Variants in RSU1 observed in about 807,000 individuals in gnomAD.
The protein encoded by RSU1 is Ras suppressor protein 1, also known as rsu-1.
RSU1 carries 26 observed loss-of-function variants against 31.1 expected under a neutral mutation model. The ratio of observed to expected loss-of-function variants is 0.84; its 90% CI spans 0.61 to 1.16. The LOEUF (loss-of-function observed/expected upper bound fraction) is 1.16, where lower values mean the gene tolerates loss of function less well. RSU1 is among the 50% of genes most tolerant of loss of function. The pLI is 0.00. For missense variants in RSU1, 320 were observed against 339.1 expected, an observed-to-expected ratio of 0.94 and a Z score of 0.44; for synonymous variants, 164 against 136.3, an observed-to-expected ratio of 1.20 and a Z score of -1.41.
At chr10:16,625,726 C>A (rs73601042) in intron 8 of RSU1, among the ~76,000 whole-genome samples, 5,135 of 152,212 alleles carry the variant, frequency 0.034, 297 homozygotes, top group African/African-American at 0.12. Flanking sequence ...GAAATCAAGA[C>A]GAGGTGGGTG....
At chr10:16,704,993 A>G (rs1159313393) in intron 7 of RSU1, among the ~76,000 whole-genome samples, 1 of 151,966 alleles carries the variant, frequency 6.6e-6, no homozygotes, top group Non-Finnish European at 1.5e-5. Context: ...ATCTTGTAAA[A>G]CCTTAATTCT....
intron 4 of RSU1, among the ~76,000 whole-genome samples, chr10:16,759,389 C>T (rs1452310040): frequency 2.0e-5 from 3 of 151,742 alleles, no homozygotes; most frequent in African/African-American, 7.3e-5. Flanking sequence ...TACCTGTGGT[C>T]CCAGCTACTC....
At chr10:16,685,798 G>C (rs1479327861) in intron 8 of RSU1, among the ~76,000 whole-genome samples, 1 of 152,132 alleles carries the variant, frequency 6.6e-6, no homozygotes, top group African/African-American at 2.4e-5. Flanking sequence ...ATTTTACTCA[G>C]TTACCATTGA....
At chr10:16,745,125 G>A (rs1182941934) in intron 7 of RSU1, among the ~76,000 whole-genome samples, 2 of 152,186 alleles carry the variant, frequency 1.3e-5, no homozygotes, top group African/African-American at 4.8e-5. Flanking sequence ...TTTCAGAAGA[G>A]CCCAGGTTTC....
intron 7 of RSU1, among the ~76,000 whole-genome samples, chr10:16,729,939 T>C (rs1836474360): frequency 6.6e-6 from 1 of 152,156 alleles, no homozygotes; most frequent in Non-Finnish European, 1.5e-5. Context: ...GTTGCTATAA[T>C]GGAATACTTG....
At chr10:16,691,585 C>T (rs59291927) in intron 8 of RSU1, among the ~76,000 whole-genome samples, 1,629 of 152,022 alleles carry the variant, frequency 0.011, 45 homozygotes, top group East Asian at 0.1. Context: ...CAGGCCCCTG[C>T]CCTAGCATAG....
intron 8 of RSU1, among the ~76,000 whole-genome samples, chr10:16,654,624 G>A (rs1207288650): frequency 1.3e-5 from 2 of 149,772 alleles, no homozygotes; most frequent in Non-Finnish European, 3.0e-5. Context: ...GAGGCAGACT[G>A]CACCACTGTA....
intron 8 of RSU1, among the ~76,000 whole-genome samples, chr10:16,646,784 G>A (rs1432827918): frequency 6.6e-6 from 1 of 152,178 alleles, no homozygotes; most frequent in African/African-American, 2.4e-5. Context: ...TGGATAAGAT[G>A]TCCAGCATCA....
chr10:16,796,278 G>A (rs76728959), intron 2 of RSU1, among the ~76,000 whole-genome samples: 1,956 of 152,184 alleles, frequency 0.013, 54 homozygotes, highest in African/African-American at 0.044. Flanking sequence ...CCTATAACCA[G>A]TCACCTAGAT....
intron 8 of RSU1, among the ~76,000 whole-genome samples, chr10:16,672,263 T>C (rs1485452043): frequency 6.6e-6 from 1 of 151,456 alleles, no homozygotes; most frequent in Non-Finnish European, 1.5e-5. Flanking sequence ...TGAGCTGAGA[T>C]CACGCCACTG....
At chr10:16,656,307 A>T (rs1358510151) in intron 8 of RSU1, among the ~76,000 whole-genome samples, 2 of 152,180 alleles carry the variant, frequency 1.3e-5, no homozygotes, top group Non-Finnish European at 2.9e-5. Flanking sequence ...GAAAATTCTC[A>T]AAGTCATTAA....
chr10:16,768,352 C>T (rs1299491712), intron 3 of RSU1, among the ~76,000 whole-genome samples: 1 of 152,174 alleles, frequency 6.6e-6, no homozygotes, highest in East Asian at 1.9e-4. Flanking sequence ...TTAAATAATT[C>T]AACAAATGGG....
chr10:16,757,174 C>A lies in RSU1; in HGVS notation c.282-2185G>T, dbSNP rs3780984. Among the ~76,000 whole-genome samples the A allele has an allele frequency of 3.9e-3, 594 of 151,868 alleles. 8 individuals are homozygous for A. In the East Asian group the frequency reaches 0.063, roughly 16 times the overall value. The stretch of plus-strand genomic sequence containing the variant: ...CTAAGGGAATTTTTTTCTACACTAT[C>A]TTTTATCCTTTCTTCAAGCCCCTTA... On this transcript the variant is annotated intron_variant, in intron 4 of 8. Transcript: ENST00000345264.
At chr10:16,782,687 C>T (rs1028813050) in intron 2 of RSU1, among the ~76,000 whole-genome samples, 3 of 152,132 alleles carry the variant, frequency 2.0e-5, no homozygotes, top group Non-Finnish European at 4.4e-5. Context: ...GCAGATTGCT[C>T]TCTGGCTTCA....
intron 8 of RSU1, among the ~76,000 whole-genome samples, chr10:16,593,724 T>C (rs1289061277): frequency 6.6e-6 from 1 of 152,220 alleles, no homozygotes; most frequent in Non-Finnish European, 1.5e-5. Flanking sequence ...CTCTTGGGAT[T>C]TCACACTCAC....
At chr10:16,775,831 A>G (rs1316893352) in intron 3 of RSU1, among the ~76,000 whole-genome samples, 1 of 152,238 alleles carries the variant, frequency 6.6e-6, no homozygotes, top group East Asian at 1.9e-4. Context: ...ATGGCAGAGA[A>G]GCAAACTGAT....
At chr10:16,788,792 T>C (rs957156852) in intron 2 of RSU1, among the ~76,000 whole-genome samples, 1 of 152,160 alleles carries the variant, frequency 6.6e-6, no homozygotes, top group Non-Finnish European at 1.5e-5. Flanking sequence ...GTATTTCCAC[T>C]TACAAGCAAT....
intron 2 of RSU1, among the ~76,000 whole-genome samples, chr10:16,800,962 C>CAAAAAAAAAAA (rs772645083): frequency 7.1e-6 from 1 of 140,880 alleles, no homozygotes. Context: ...GAGCAGAAGA[C>CAAAAAAAAAAA]AAAAAAAAAA....
intron 8 of RSU1, among the ~76,000 whole-genome samples, chr10:16,650,382 T>C (rs937221428): frequency 5.3e-5 from 8 of 152,148 alleles, no homozygotes; most frequent in Non-Finnish European, 1.0e-4. Context: ...AGCGCTGACC[T>C]ATTGTTACAT....
Sources: gnomAD v4.1 joint callset for allele counts (sites outside exome capture counted in the v4.1 genomes callset) on GRCh38, gnomAD v4.1.1 for gene constraint, MANE v1.5 for transcripts, NCBI Gene and HGNC (gene_info 2026-07-23, HGNC 2026-07-21) for gene names.